The following LAMA2 variants were observed in gnomAD, a reference collection of about 807,000 sequenced individuals.
The protein encoded by LAMA2 is laminin subunit alpha-2.
In LAMA2, 269 loss-of-function variants were observed where a neutral mutation model predicts 364.8. The observed-to-expected ratio is 0.74, with a 90% confidence interval of 0.67 to 0.82. The LOEUF (loss-of-function observed/expected upper bound fraction) is 0.82, where lower values mean the gene tolerates loss of function less well. Ranked by LOEUF, LAMA2 falls within the 40% of genes least tolerant of loss-of-function variation. LAMA2 has a pLI of 0.00. For missense variants in LAMA2, 3,807 were observed against 3,873.2 expected, an observed-to-expected ratio of 0.98 and a Z score of 0.45; for synonymous variants, 1,379 against 1,370.6, an observed-to-expected ratio of 1.01 and a Z score of -0.14.
Position 129,427,853 on chromosome 6 carries a change from AG to A in LAMA2, c.5968+1del. The A allele has an allele frequency of 2.5e-6, 4 of 1,594,864 alleles. No individual in the cohort carries two copies. The highest frequency in any genetic ancestry group is 3.4e-6 in the Non-Finnish European group (4 of 1,162,600). On this transcript the variant is annotated frameshift_variant and splice_region_variant, in exon 41 of 65. Transcript: ENST00000421865. LOFTEE classifies it high-confidence loss of function. ...CCAAGAAGTTAGCAAATGATGTAAA[AG>A]GTCAGTGTGGCCATAGTTTTTATTA... ...EAKKLANDVK[E>X]NEDHLNGLKT...
chr6:129,448,904 C>A (rs975727285), intron 45 of LAMA2, among the ~76,000 whole-genome samples: 1 of 152,086 alleles, frequency 6.6e-6, no homozygotes, highest in African/African-American at 2.4e-5. Context: ...CTAAAGATTT[C>A]TTCTAGAGAT....
intron 2 of LAMA2, among the ~76,000 whole-genome samples, chr6:129,050,632 G>A (rs553445649): frequency 7.2e-5 from 11 of 152,224 alleles, no homozygotes; most frequent in African/African-American, 2.6e-4. Context: ...GAGATAAACA[G>A]GTAAAGAGGT....
chr6:129,368,309 A>G (rs1002272109), intron 33 of LAMA2, among the ~76,000 whole-genome samples: 3 of 152,174 alleles, frequency 2.0e-5, no homozygotes, highest in Non-Finnish European at 2.9e-5. Context: ...GAGCCATGTG[A>G]GCAGAGGCAG....
chr6:129,157,514 G>T, intron 8 of LAMA2: 2 of 1,611,850 alleles, frequency 1.2e-6, no homozygotes. Flanking sequence ...TCCTCCGATG[G>T]TTTAACCGTC....
chr6:129,257,603 T>A (rs977146504), intron 14 of LAMA2, among the ~76,000 whole-genome samples: 2 of 152,136 alleles, frequency 1.3e-5, no homozygotes, highest in East Asian at 3.8e-4. Flanking sequence ...ATACAGTTAA[T>A]CAATCTGCTG....
chr6:129,042,605 C>A (rs1205246820), intron 1 of LAMA2, among the ~76,000 whole-genome samples: 1 of 152,066 alleles, frequency 6.6e-6, no homozygotes, highest in African/African-American at 2.4e-5. Context: ...CATTATAATA[C>A]AAACTGCTAT....
intron 15 of LAMA2, among the ~76,000 whole-genome samples, chr6:129,265,609 G>A (rs1787448987): frequency 6.6e-6 from 1 of 151,564 alleles, no homozygotes; most frequent in African/African-American, 2.4e-5. Flanking sequence ...GGGAGAAATG[G>A]AAACGGAACA....
chr6:129,033,610 G>T (rs1055024979), intron 1 of LAMA2, among the ~76,000 whole-genome samples: 13 of 151,842 alleles, frequency 8.6e-5, no homozygotes, highest in African/African-American at 1.9e-4. Context: ...TTGGTTTAAG[G>T]TTCTAAATTT....
intron 1 of LAMA2, among the ~76,000 whole-genome samples, chr6:128,904,734 G>T (rs1011895800): frequency 6.6e-6 from 1 of 152,096 alleles, no homozygotes; most frequent in African/African-American, 2.4e-5. Context: ...TGGGATTACA[G>T]GTGTGAACCA....
chr6:129,030,666 A>T (rs1278452283), intron 1 of LAMA2, among the ~76,000 whole-genome samples: 2 of 152,170 alleles, frequency 1.3e-5, no homozygotes, highest in Non-Finnish European at 2.9e-5. Flanking sequence ...ATAACATGTG[A>T]CAAAGAAAGG....
chr6:129,169,270 C>G (rs1410073495), intron 9 of LAMA2, among the ~76,000 whole-genome samples: 1 of 146,266 alleles, frequency 6.8e-6, no homozygotes, highest in African/African-American at 2.7e-5. Context: ...CCAGTTTTTG[C>G]CCATTCTGTA....
At chr6:129,478,943 T>A (rs1451134407) in intron 54 of LAMA2, 130 bp downstream of exon 54, 1 of 828,986 alleles carries the variant, frequency 1.2e-6, no homozygotes, top group African/African-American at 1.7e-5. Context: ...TCTTAAACGA[T>A]AAAGCAAGAT....
Position 128,883,244 on chromosome 6 carries a change from C to T in LAMA2, c.-2C>T, listed in dbSNP as rs893675588. The T allele has an allele frequency of 2.6e-6, 4 of 1,551,276 alleles. No homozygotes were observed. Among genetic ancestry groups the T allele is most frequent in the Non-Finnish European group, 2.6e-6 (3 of 1,148,210 alleles). ...GAAGTGGATCCGGTCGCGGCCACTA[C>T]GATGCCGGGAGCCGCCGGGGTCCTC... On this transcript the variant is annotated 5_prime_UTR_variant, in exon 1 of 65. In the 5' UTR this introduces an upstream ATG that the reference lacks. Transcript: ENST00000421865.
chr6:129,172,880 C>T (rs903554334), intron 9 of LAMA2, among the ~76,000 whole-genome samples: 5 of 152,226 alleles, frequency 3.3e-5, no homozygotes, highest in East Asian at 1.9e-4. Flanking sequence ...CATGGTTCAC[C>T]GTTTTTTAAG....
chr6:129,155,607 T>A (rs962011871), intron 8 of LAMA2, among the ~76,000 whole-genome samples: 1 of 152,114 alleles, frequency 6.6e-6, no homozygotes, highest in African/African-American at 2.4e-5. Context: ...TTGTGTGTGG[T>A]GTGAATAAGT....
chr6:129,055,123 C>T (rs1788377374), intron 2 of LAMA2, among the ~76,000 whole-genome samples: 1 of 150,170 alleles, frequency 6.7e-6, no homozygotes, highest in Non-Finnish European at 1.5e-5. Flanking sequence ...TTTTATTTAC[C>T]TGTAGTGTTT....
intron 1 of LAMA2, among the ~76,000 whole-genome samples, chr6:128,925,826 T>C (rs939342045): frequency 6.6e-6 from 1 of 152,174 alleles, no homozygotes; most frequent in Non-Finnish European, 1.5e-5. Flanking sequence ...CATTTTTTTT[T>C]CACATAAATG....
In LAMA2 at chr6:129,516,430, T is replaced by G; in HGVS notation, c.*83T>G. 7.5e-7 allele frequency: 1 copy of G among 1,337,296 alleles called. No individual in the cohort carries two copies. Among genetic ancestry groups the G allele is most frequent in the Non-Finnish European group, 1.1e-6 (1 of 951,212 alleles). The allele number at this position is 1,337,296 out of a possible 1,614,324, so 82.8% of individuals were successfully genotyped here. On this transcript the variant is annotated 3_prime_UTR_variant, in exon 65 of 65. Coordinates refer to ENST00000421865, the MANE Select transcript of LAMA2 (RefSeq NM_000426.4). ...AACAAATATATTTTACCTATATATG[T>G]TAATTAAACTAATTTGTGCATGTAC... is the stretch of plus-strand genomic sequence containing the variant.
intron 1 of LAMA2, among the ~76,000 whole-genome samples, chr6:129,030,755 G>A (rs766235284): frequency 1.5e-4 from 23 of 151,788 alleles, no homozygotes; most frequent in South Asian, 6.2e-4. Context: ...GTTTTTTTTC[G>A]TGTTAGAACT....
Sources: gnomAD v4.1 joint callset for allele counts (sites outside exome capture counted in the v4.1 genomes callset) on GRCh38, gnomAD v4.1.1 for gene constraint, MANE v1.5 for transcripts, NCBI Gene and HGNC (gene_info 2026-07-23, HGNC 2026-07-21) for gene names.